Variants in TAX1BP1 observed in about 807,000 individuals in gnomAD.
TAX1BP1 encodes the protein tax1-binding protein 1.
Under a neutral mutation model 97.7 loss-of-function variants are expected in TAX1BP1, and 62 were observed. The ratio of observed to expected loss-of-function variants is 0.63; its 90% CI spans 0.52 to 0.78. TAX1BP1 has a LOEUF of 0.78. Among genes scored for constraint, TAX1BP1 ranks in the 30% least tolerant of loss-of-function variants. The probability of loss-of-function intolerance (pLI) is 0.00; values close to 1 mark genes in which losing one functional copy is unlikely to be tolerated. For missense variants in TAX1BP1, 867 were observed against 916.1 expected (o/e 0.95, Z 0.69); for synonymous variants, 340 against 304.2 (o/e 1.12, Z -1.23).
chr7:27,798,119 C>A (rs1263916357), intron 12 of TAX1BP1, among the ~76,000 whole-genome samples: 1 of 152,090 alleles, frequency 6.6e-6, no homozygotes. Flanking sequence ...GTACTTTTTT[C>A]TACCCACTTT....
At chr7:27,785,140 A>G in intron 5 of TAX1BP1, 23 bp from the exon 6 acceptor site, 1 of 1,578,488 alleles carries the variant, frequency 6.3e-7, no homozygotes, top group East Asian at 2.3e-5. Context: ...GTTTTCTCAA[A>G]ATACCTTGTT....
At chr7:27,756,062 TAAAAC>T (rs776931260) in intron 2 of TAX1BP1, among the ~76,000 whole-genome samples, 2 of 152,174 alleles carry the variant, frequency 1.3e-5, no homozygotes, top group Non-Finnish European at 2.9e-5. Flanking sequence ...ACCAGGAAAA[TAAAAC>T]AGAGAATCAA....
At chr7:27,807,725 C>G (rs981624528) in intron 13 of TAX1BP1, among the ~76,000 whole-genome samples, 1 of 152,022 alleles carries the variant, frequency 6.6e-6, no homozygotes, top group East Asian at 1.9e-4. Context: ...CTTTATCAGA[C>G]TTTCACCTGG....
upstream of TAX1BP1, chr7:27,739,887 CTG>C (rs796492659): frequency 1.3e-4 from 20 of 152,484 alleles, no homozygotes; most frequent in African/African-American, 4.8e-4. Context: ...CTTAAACCTC[CTG>C]TGTGTTTCCC....
At chr7:27,769,433 T>C (rs1303938570) in intron 4 of TAX1BP1, among the ~76,000 whole-genome samples, 1 of 151,986 alleles carries the variant, frequency 6.6e-6, no homozygotes, top group African/African-American at 2.4e-5. Flanking sequence ...AACTTCATAA[T>C]ACAGTTCTCT....
At chr7:27,761,942 G>C (rs1203904312) in intron 3 of TAX1BP1, among the ~76,000 whole-genome samples, 1 of 152,174 alleles carries the variant, frequency 6.6e-6, no homozygotes, top group Non-Finnish European at 1.5e-5. Flanking sequence ...ATTCCTACCT[G>C]CAATGAATGA....
intron 13 of TAX1BP1, among the ~76,000 whole-genome samples, chr7:27,808,460 G>A (rs1050501180): frequency 6.6e-6 from 1 of 152,152 alleles, no homozygotes; most frequent in East Asian, 1.9e-4. Context: ...CATCTAACTA[G>A]AGTTCAACAT....
chr7:27,784,844 G>A (rs1190825544), intron 5 of TAX1BP1, among the ~76,000 whole-genome samples: 4 of 151,888 alleles, frequency 2.6e-5, no homozygotes, highest in Admixed American at 6.6e-5. Context: ...TTAGCCAGGC[G>A]TGGTGGTGGG....
intron 1 of TAX1BP1, among the ~76,000 whole-genome samples, chr7:27,740,869 ACCTGGAAT>A (rs1787560879): frequency 6.6e-6 from 1 of 152,040 alleles, no homozygotes; most frequent in Non-Finnish European, 1.5e-5. Context: ...GGCCTGCTTC[ACCTGGAAT>A]CCATTCCCCA....
At chr7:27,786,204 C>T (rs557317956) in intron 7 of TAX1BP1, among the ~76,000 whole-genome samples, 3 of 151,258 alleles carry the variant, frequency 2.0e-5, no homozygotes, top group Admixed American at 6.6e-5. Context: ...CGATCTCGGC[C>T]CACTGCAAGC....
chr7:27,816,825 C>T, intron 14 of TAX1BP1, 65 bp from the exon 15 acceptor site: 1 of 1,562,260 alleles, frequency 6.4e-7, no homozygotes, highest in South Asian at 1.2e-5. Context: ...TTCATCATAT[C>T]TGTATATACA....
At chr7:27,825,169 A>G (rs1791129660) in intron 15 of TAX1BP1, among the ~76,000 whole-genome samples, 1 of 151,104 alleles carries the variant, frequency 6.6e-6, no homozygotes, top group Non-Finnish European at 1.5e-5. Context: ...GTGATCTATT[A>G]CTAATAGTGA....
intron 3 of TAX1BP1, among the ~76,000 whole-genome samples, chr7:27,759,093 C>T (rs558965639): frequency 6.6e-6 from 1 of 152,094 alleles, no homozygotes; most frequent in East Asian, 1.9e-4. Context: ...AAAGTGAATT[C>T]TTACCCTTGT....
rs540787094 is a variant in TAX1BP1, at chr7:27,779,097, C to T, written c.613-6066C>T. Among the ~76,000 whole-genome samples, 96 of 152,062 alleles carry T rather than the reference C, an allele frequency of 6.3e-4. No individual in the cohort carries two copies. The South Asian group carries it at 7.1e-3, about 11-fold the overall frequency. ...TTGTTTAATGATTTTGAGGTTCATC[C>T]ATAGATCAGTACTTTGTTTCTTTTT... is the stretch of plus-strand genomic sequence containing the variant. On this transcript the variant is annotated intron_variant, in intron 5 of 16. Transcript: ENST00000396319.
chr7:27,769,623 CAT>C (rs1233747465), intron 4 of TAX1BP1, 51 bp from the exon 5 acceptor site: 185 of 1,409,608 alleles, frequency 1.3e-4, no homozygotes, highest in Middle Eastern at 5.0e-4. Flanking sequence ...TTTGTAATAA[CAT>C]ATTTTAGGAT....
chr7:27,766,968 T>C (rs1158284869), intron 4 of TAX1BP1, among the ~76,000 whole-genome samples: 9 of 152,220 alleles, frequency 5.9e-5, no homozygotes, highest in Non-Finnish European at 7.4e-5. Context: ...CTTACTGTTT[T>C]TGTAAATAGA....
At chr7:27,739,668 C>T (rs1442728584), upstream of TAX1BP1, 1 of 151,910 alleles carries the variant, frequency 6.6e-6, no homozygotes, top group Non-Finnish European at 1.5e-5. Flanking sequence ...ACTTCATAGC[C>T]AAAAAAGCAC....
intron 8 of TAX1BP1, among the ~76,000 whole-genome samples, chr7:27,790,678 T>C (rs1305460857): frequency 6.6e-6 from 1 of 152,116 alleles, no homozygotes; most frequent in Non-Finnish European, 1.5e-5. Context: ...TACCCTTTGA[T>C]AATTTTCTTG....
chr7:27,741,927 T>C (rs931694302), intron 1 of TAX1BP1, among the ~76,000 whole-genome samples: 3 of 152,200 alleles, frequency 2.0e-5, no homozygotes, highest in African/African-American at 4.8e-5. Flanking sequence ...CAAAGGTCTT[T>C]GCATCATAGA....
Sources: allele counts gnomAD v4.1 joint callset (sites outside exome capture counted in the v4.1 genomes callset), GRCh38; gene constraint gnomAD v4.1.1; transcripts MANE v1.5; gene names NCBI Gene and HGNC (gene_info 2026-07-23, HGNC 2026-07-21).